Variants in POU2F1 observed in about 807,000 individuals in gnomAD.
The protein encoded by POU2F1 is POU class 2 homeobox 1.
In POU2F1, 16 loss-of-function variants were observed where a neutral mutation model predicts 84.9. The observed-to-expected ratio is 0.19, with a 90% CI of 0.13 to 0.29. The LOEUF (loss-of-function observed/expected upper bound fraction) is 0.29, where lower values mean the gene tolerates loss of function less well. Among genes scored for constraint, POU2F1 ranks in the 10% least tolerant of loss-of-function variants. POU2F1 has a pLI of 1.00. For missense variants in POU2F1, 738 were observed against 942.6 expected (o/e 0.78, Z 2.84); for synonymous variants, 368 against 368.3 (o/e 1.00, Z 0.01).
At chr1:167,221,158 G>T (rs1023104493) in intron 1 of POU2F1, among the ~76,000 whole-genome samples, 200 bp downstream of exon 1, 4 of 151,548 alleles carry the variant, frequency 2.6e-5, no homozygotes, top group African/African-American at 9.7e-5. Flanking sequence ...GGCGGAGGGG[G>T]AAGACAAGGG....
intron 2 of POU2F1, among the ~76,000 whole-genome samples, chr1:167,355,342 T>C (rs1395404655): frequency 6.6e-6 from 1 of 152,168 alleles, no homozygotes; most frequent in Non-Finnish European, 1.5e-5. Flanking sequence ...TGTGTGTACC[T>C]CTGTCTCTAG....
intron 1 of POU2F1, among the ~76,000 whole-genome samples, chr1:167,236,219 C>T (rs1649441521): frequency 6.6e-6 from 1 of 151,876 alleles, no homozygotes; most frequent in Admixed American, 6.6e-5. Context: ...TTCTCTGCCT[C>T]AGCCTCCTGA....
chr1:167,266,308 C>G (rs1651948524), intron 1 of POU2F1, among the ~76,000 whole-genome samples: 1 of 152,108 alleles, frequency 6.6e-6, no homozygotes, highest in Admixed American at 6.6e-5. Flanking sequence ...TTGGAAATAT[C>G]CAGTGCTTTC....
intron 1 of POU2F1, among the ~76,000 whole-genome samples, chr1:167,251,546 T>C (rs890190256): frequency 2.6e-5 from 4 of 152,104 alleles, no homozygotes; most frequent in African/African-American, 4.8e-5. Flanking sequence ...TTTGGAGAGG[T>C]AGTTTTAGTA....
At chr1:167,374,074 A>G (rs999704423) in intron 5 of POU2F1, 34 bp from the exon 6 acceptor site, 10 of 1,610,350 alleles carry the variant, frequency 6.2e-6, no homozygotes, top group Middle Eastern at 1.7e-4. Context: ...TTCTCCTTCA[A>G]CACTTTCCCA....
chr1:167,221,214 C>A (rs1648118111), intron 1 of POU2F1, among the ~76,000 whole-genome samples: 1 of 151,438 alleles, frequency 6.6e-6, no homozygotes. Flanking sequence ...ACCCGGCCCA[C>A]CCCGCCGCCG....
chr1:167,388,528 G>A (rs565515784), intron 8 of POU2F1, among the ~76,000 whole-genome samples: 1 of 152,292 alleles, frequency 6.6e-6, no homozygotes, highest in Admixed American at 6.5e-5. Flanking sequence ...CATAAAAACT[G>A]TCTAGCAATT....
At chr1:167,317,550 A>G (rs1209762235) in intron 1 of POU2F1, among the ~76,000 whole-genome samples, 3 of 152,260 alleles carry the variant, frequency 2.0e-5, no homozygotes, top group Non-Finnish European at 4.4e-5. Context: ...CCTTGTTTCT[A>G]TAGATTATAG....
intron 3 of POU2F1, among the ~76,000 whole-genome samples, chr1:167,367,096 C>G (rs1056025793): frequency 4.6e-5 from 7 of 152,146 alleles, no homozygotes; most frequent in Admixed American, 1.3e-4. Flanking sequence ...GACCAAAGGA[C>G]TGCAAACAAA....
chr1:167,229,946 T>C (rs965174703), intron 1 of POU2F1, among the ~76,000 whole-genome samples: 2 of 152,240 alleles, frequency 1.3e-5, no homozygotes, highest in African/African-American at 4.8e-5. Context: ...TTATTATCTT[T>C]ACTACTTCCT....
intron 8 of POU2F1, 60 bp downstream of exon 8, chr1:167,384,011 A>G (rs2101880268): frequency 7.5e-7 from 1 of 1,340,104 alleles, no homozygotes; most frequent in East Asian, 2.6e-5. Flanking sequence ...AGACTTTTGG[A>G]CTTTATTTAA....
chr1:167,346,780 T>C (rs1471906098), intron 2 of POU2F1, among the ~76,000 whole-genome samples: 1 of 152,148 alleles, frequency 6.6e-6, no homozygotes, highest in Non-Finnish European at 1.5e-5. Flanking sequence ...AACCCAGGAG[T>C]TGGGGACCCC....
chr1:167,237,488 G>T (rs1262106022), intron 1 of POU2F1, among the ~76,000 whole-genome samples: 2 of 151,812 alleles, frequency 1.3e-5, no homozygotes, highest in Non-Finnish European at 2.9e-5. Flanking sequence ...TTTTTCATCT[G>T]CCGGTATGTT....
At chr1:167,315,729 A>G (rs1476823097) in intron 1 of POU2F1, among the ~76,000 whole-genome samples, 3 of 152,016 alleles carry the variant, frequency 2.0e-5, no homozygotes. Context: ...GATTGAGCCC[A>G]GGAGTTCAAG....
chr1:167,303,514 C>G (rs956717665), intron 1 of POU2F1: 1 of 154,140 alleles, frequency 6.5e-6, no homozygotes, highest in Non-Finnish European at 1.5e-5. Context: ...TTTTAATTAC[C>G]AAACTACTCT....
Position 167,252,710 on chromosome 1 carries a change from A to G in POU2F1, c.61+31752A>G, listed in dbSNP as rs541758123. Among the ~76,000 whole-genome samples the G allele has an allele frequency of 2.6e-5, 4 of 152,232 alleles. No homozygotes were observed. The South Asian group carries it at 6.2e-4, about 24-fold the overall frequency. On this transcript the variant is annotated intron_variant, in intron 1 of 15. Transcript: ENST00000367866. The stretch of plus-strand genomic sequence containing the variant: ...CAAAGAATGTTCATAACTGTCCTAC[A>G]GCAGTGAAATGAATTAAAGTAATTC...
At chr1:167,255,450 A>G (rs759441323) in intron 1 of POU2F1, among the ~76,000 whole-genome samples, 10 of 152,250 alleles carry the variant, frequency 6.6e-5, no homozygotes, top group Non-Finnish European at 1.5e-4. Context: ...AGTAGTTGGC[A>G]TGATTGAATT....
At chr1:167,361,236 G>A (rs1353149609) in intron 2 of POU2F1, among the ~76,000 whole-genome samples, 1 of 152,148 alleles carries the variant, frequency 6.6e-6, no homozygotes, top group African/African-American at 2.4e-5. Flanking sequence ...AGTGGTGAGA[G>A]TGGACATCCT....
Position 167,401,104 on chromosome 1 carries a change from G to GC in POU2F1, c.1450-341dup, listed in dbSNP as rs1173953713. Among the ~76,000 whole-genome samples, 3 of 151,808 alleles carry GC rather than the reference G, an allele frequency of 2.0e-5. No homozygotes were observed. The East Asian group carries it at 5.8e-4, about 29-fold the overall frequency. ...TTAAAACCAAACCTAAGGCAATACT[G>GC]CCCCCCTACAGAGTCAAAAGTAAAA... On this transcript the variant is annotated intron_variant, in intron 12 of 15. Coordinates refer to ENST00000367866, the MANE Select transcript of POU2F1 (RefSeq NM_002697.4).
Sources: allele counts gnomAD v4.1 joint callset (sites outside exome capture counted in the v4.1 genomes callset), GRCh38; gene constraint gnomAD v4.1.1; transcripts MANE v1.5; gene names NCBI Gene and HGNC (gene_info 2026-07-23, HGNC 2026-07-21).